Variants in NTRK3 observed in about 807,000 individuals in gnomAD.
NTRK3 encodes the protein neurotrophic receptor tyrosine kinase 3.
Under a neutral mutation model 91.7 loss-of-function variants are expected in NTRK3, and 24 were observed. The ratio of observed to expected loss-of-function variants is 0.26; its 90% CI spans 0.19 to 0.37. NTRK3 has a LOEUF of 0.37. Among genes scored for constraint, NTRK3 ranks in the 10% least tolerant of loss-of-function variants. The probability of loss-of-function intolerance (pLI) is 1.00; values close to 1 mark genes in which losing one functional copy is unlikely to be tolerated. For missense variants in NTRK3, 880 were observed against 1,068.9 expected (o/e 0.82, Z 2.46); for synonymous variants, 483 against 404.0 (o/e 1.20, Z -2.34).
chr15:88,137,363 G>A (rs1424702258), intron 7 of NTRK3, 41 bp downstream of exon 7: 20 of 1,609,214 alleles, frequency 1.2e-5, no homozygotes, highest in East Asian at 2.2e-5. Flanking sequence ...TCTGAGGGAT[G>A]CCTCCCTGGA....
chr15:87,860,506 C>A (rs913866694), exon 19 of NTRK3: 2 of 202,092 alleles, frequency 9.9e-6, no homozygotes, highest in African/African-American at 4.6e-5. Flanking sequence ...ATAAATGACA[C>A]CTTCACATAA....
intron 17 of NTRK3, among the ~76,000 whole-genome samples, chr15:87,901,223 G>C (rs1413898032): frequency 6.6e-6 from 1 of 152,230 alleles, no homozygotes; most frequent in Admixed American, 6.5e-5. Flanking sequence ...GGAGAGGACT[G>C]CTCTGAGGAT....
At chr15:88,220,253 T>C (rs952698989) in intron 3 of NTRK3, among the ~76,000 whole-genome samples, 2 of 152,172 alleles carry the variant, frequency 1.3e-5, no homozygotes, top group African/African-American at 4.8e-5. Context: ...CATGCATTTC[T>C]TGGGGTTGTG....
At chr15:88,117,830 G>A (rs1432038832) in intron 13 of NTRK3, among the ~76,000 whole-genome samples, 1 of 152,236 alleles carries the variant, frequency 6.6e-6, no homozygotes, top group African/African-American at 2.4e-5. Context: ...GAGACAGGGA[G>A]TGTTATTAAC....
chr15:88,098,178 C>T (rs901409786), intron 13 of NTRK3, among the ~76,000 whole-genome samples: 5 of 152,106 alleles, frequency 3.3e-5, no homozygotes, highest in African/African-American at 4.8e-5. Flanking sequence ...ACTTTGAGCA[C>T]GGAAGAGCAA....
intron 13 of NTRK3, among the ~76,000 whole-genome samples, chr15:88,095,057 C>T (rs1057072491): frequency 9.9e-5 from 15 of 152,152 alleles, no homozygotes; most frequent in African/African-American, 3.1e-4. Context: ...GGCACTCTGG[C>T]GGACACCACA....
chr15:87,992,656 A>G (rs1009107446), intron 14 of NTRK3, among the ~76,000 whole-genome samples: 1 of 152,234 alleles, frequency 6.6e-6, no homozygotes, highest in Admixed American at 6.5e-5. Context: ...TGACCTTCTC[A>G]GCATCCCTAT....
At chr15:88,120,020 T>C (rs2052532941) in intron 13 of NTRK3, among the ~76,000 whole-genome samples, 1 of 152,132 alleles carries the variant, frequency 6.6e-6, no homozygotes, top group African/African-American at 2.4e-5. Flanking sequence ...AATGCCAACC[T>C]ACAGCATCAA....
intron 13 of NTRK3, among the ~76,000 whole-genome samples, chr15:88,066,851 C>T (rs976712783): frequency 1.3e-5 from 2 of 152,184 alleles, no homozygotes; most frequent in Non-Finnish European, 2.9e-5. Context: ...AGGCAGCCTG[C>T]CAAAATAATG....
intron 3 of NTRK3, among the ~76,000 whole-genome samples, chr15:88,251,469 T>G (rs1022191684): frequency 6.6e-6 from 1 of 152,226 alleles, no homozygotes; most frequent in African/African-American, 2.4e-5. Flanking sequence ...GGGATTCACA[T>G]GATCCATCCC....
chr15:87,981,569 T>C (rs1312296809), intron 14 of NTRK3, among the ~76,000 whole-genome samples: 3 of 152,218 alleles, frequency 2.0e-5, no homozygotes, highest in Non-Finnish European at 4.4e-5. Context: ...CCTGGCATTA[T>C]AGAAATGGCA....
chr15:88,220,962 C>T (rs1262613362), intron 3 of NTRK3, among the ~76,000 whole-genome samples: 3 of 152,226 alleles, frequency 2.0e-5, no homozygotes, highest in African/African-American at 7.2e-5. Flanking sequence ...CCCCAGAGTA[C>T]AGGCTCAGAA....
At chr15:88,205,683 C>G (rs958563226) in intron 3 of NTRK3, 2 of 152,244 alleles carry the variant, frequency 1.3e-5, no homozygotes, top group Non-Finnish European at 2.9e-5. Context: ...AGCCCTCTCA[C>G]CCCGGTTTGG....
intron 14 of NTRK3, chr15:87,981,316 C>A: frequency 1.2e-6 from 2 of 1,602,748 alleles, no homozygotes; most frequent in Non-Finnish European, 1.7e-6. Context: ...TCTCTATTGT[C>A]CTTCAAGTTT....
At chr15:88,231,958 G>C (rs1309089948) in intron 3 of NTRK3, among the ~76,000 whole-genome samples, 2 of 152,072 alleles carry the variant, frequency 1.3e-5, no homozygotes, top group African/African-American at 4.8e-5. Flanking sequence ...CTTTAAGATT[G>C]TCTTCCTAGA....
intron 3 of NTRK3, among the ~76,000 whole-genome samples, chr15:88,186,364 C>T (rs886750627): frequency 6.6e-6 from 1 of 152,176 alleles, no homozygotes; most frequent in African/African-American, 2.4e-5. Flanking sequence ...GTCCTTATGC[C>T]CACAAACGGA....
At chr15:88,214,239 C>T (rs759852105) in intron 3 of NTRK3, among the ~76,000 whole-genome samples, 1 of 152,110 alleles carries the variant, frequency 6.6e-6, no homozygotes, top group African/African-American at 2.4e-5. Flanking sequence ...AGTCAGAAAT[C>T]AAGGTGTCAG....
At chr15:87,896,044 G>C (rs1244196840) in intron 17 of NTRK3, among the ~76,000 whole-genome samples, 4 of 152,014 alleles carry the variant, frequency 2.6e-5, no homozygotes, top group African/African-American at 9.7e-5. Context: ...TTTGATTGAT[G>C]TCTCATGCCT....
chr15:87,971,024 T>TAAC, intron 14 of NTRK3, among the ~76,000 whole-genome samples: 1 of 152,332 alleles, frequency 6.6e-6, no homozygotes, highest in East Asian at 1.9e-4. Context: ...GTTGGCCATT[T>TAAC]GGTATCAGAG....
Sources: gnomAD v4.1 joint callset for allele counts (sites outside exome capture counted in the v4.1 genomes callset) on GRCh38, gnomAD v4.1.1 for gene constraint, MANE v1.5 for transcripts, NCBI Gene and HGNC (gene_info 2026-07-23, HGNC 2026-07-21) for gene names.